The following NOTCH2 variants were observed in gnomAD, a reference collection of about 807,000 sequenced individuals.
NOTCH2 encodes the protein notch receptor 2.
Under a neutral mutation model 235.8 loss-of-function variants are expected in NOTCH2, and 29 were observed. The ratio of observed to expected loss-of-function variants is 0.12; its 90% confidence interval spans 0.09 to 0.17. The LOEUF is 0.17. Ranked by LOEUF, NOTCH2 falls within the 10% of genes least tolerant of loss-of-function variation. NOTCH2 has a pLI of 1.00. For missense variants in NOTCH2, 2,285 were observed against 3,150.2 expected (o/e 0.73, Z 6.57); for synonymous variants, 1,086 against 1,141.5 (o/e 0.95, Z 0.98).
At chr1:120,012,843 G>T (rs1653253904) in intron 2 of NOTCH2, among the ~76,000 whole-genome samples, 2 of 150,204 alleles carry the variant, frequency 1.3e-5, no homozygotes, top group African/African-American at 2.5e-5. Flanking sequence ...AAATGGACCA[G>T]CATCCTATCC....
chr1:119,929,283 C>T (rs1301925463), intron 22 of NOTCH2, 71 bp from the exon 23 acceptor site: 2 of 1,262,318 alleles, frequency 1.6e-6, no homozygotes, highest in Admixed American at 1.7e-5. Flanking sequence ...GGATAACCAC[C>T]CTTGTTGGCA....
At chr1:120,069,231 C>T in intron 1 of NOTCH2, 103 bp downstream of exon 1, 1 of 1,526,668 alleles carries the variant, frequency 6.6e-7, no homozygotes, top group South Asian at 1.2e-5. Flanking sequence ...GCGCCGGCGG[C>T]CGAGCCTGGC....
At chr1:119,938,239 CTG>C (rs1553196021) in intron 19 of NOTCH2, among the ~76,000 whole-genome samples, 1 of 152,034 alleles carries the variant, frequency 6.6e-6, no homozygotes, top group Non-Finnish European at 1.5e-5. Context: ...TTCTTGGAAA[CTG>C]TGACTTTAAG....
chr1:119,918,947 T>C (rs1276488167), intron 31 of NOTCH2, among the ~76,000 whole-genome samples: 1 of 145,098 alleles, frequency 6.9e-6, no homozygotes, highest in Non-Finnish European at 1.5e-5. Flanking sequence ...AATGAGCAGC[T>C]AGAAGCCCAT....
Position 120,046,050 on chromosome 1 carries a change from G to A in NOTCH2, c.74-16063C>T, listed in dbSNP as rs1222485648. On this transcript the variant is annotated intron_variant, in intron 1 of 33. Coordinates refer to ENST00000256646, the MANE Select transcript of NOTCH2 (RefSeq NM_024408.4). ...TAAATATGTATTTACTTGAGGAAGC[G>A]TTCATGCTTTAAAAATGTTTTTCTT... Among the ~76,000 whole-genome samples the A allele has an allele frequency of 2.3e-4, 35 of 151,392 alleles. No homozygotes were observed. In the South Asian group the frequency reaches 5.0e-3, roughly 22 times the overall value.
chr1:119,999,845 G>C (rs1183243254), intron 3 of NOTCH2, among the ~76,000 whole-genome samples: 3 of 150,640 alleles, frequency 2.0e-5, no homozygotes, highest in African/African-American at 7.4e-5. Flanking sequence ...CTGCGCCACT[G>C]TACTAAGCAA....
intron 5 of NOTCH2, among the ~76,000 whole-genome samples, chr1:119,977,615 G>A (rs1553201110): frequency 6.6e-6 from 1 of 152,160 alleles, no homozygotes; most frequent in Admixed American, 6.5e-5. Flanking sequence ...AACCTCAGCA[G>A]TAAAAACATA....
chr1:119,988,793 C>T (rs1197561877), intron 4 of NOTCH2, among the ~76,000 whole-genome samples: 4 of 152,178 alleles, frequency 2.6e-5, no homozygotes, highest in Admixed American at 6.5e-5. Flanking sequence ...CTCGATCTCT[C>T]TGATGAGTAA....
chr1:119,987,696 C>T (rs1259574619), intron 4 of NOTCH2, among the ~76,000 whole-genome samples: 2 of 152,120 alleles, frequency 1.3e-5, no homozygotes, highest in Non-Finnish European at 2.9e-5. Context: ...TTCCACTTGC[C>T]TATCCTGTCT....
rs1344097105 is a variant in NOTCH2, at chr1:119,922,649, A to G, written c.4989T>C (p.Leu1663=). 6.2e-7 allele frequency: 1 copy of G among 1,614,118 alleles called. No individual in the cohort carries two copies. Among genetic ancestry groups the G allele is most frequent in the Non-Finnish European group, 8.5e-7 (1 of 1,180,042 alleles). ...HAIQGTLSYP[L]VSVVSESLTP... is the part of the protein sequence containing the mutation. The stretch of plus-strand genomic sequence containing the variant: ...AGTGCCACTCACTGACGACAGACAC[A>G]AGAGGGTATGACAGGGTCCCCTGTA... The change falls in exon 27 of 34, where the codon CTT becomes CTC. Residue 1663 remains leucine, a synonymous_variant. Transcript: ENST00000256646.
At chr1:119,927,647 T>C (rs1051653892) in intron 23 of NOTCH2, among the ~76,000 whole-genome samples, 1 of 152,194 alleles carries the variant, frequency 6.6e-6, no homozygotes, top group Non-Finnish European at 1.5e-5. Context: ...TTGCAAATGC[T>C]TGTGTTTCCA....
rs1648909930 is a variant in NOTCH2, at chr1:119,911,988, A to G, written c.*3318T>C. The G allele has an allele frequency of 4.3e-6, 1 of 233,488 alleles. No homozygotes were observed. The highest frequency in any genetic ancestry group is 2.2e-5 in the African/African-American group (1 of 45,360). The allele number at this position is 233,488 out of a possible 1,614,324, so 14.5% of individuals were successfully genotyped here. On this transcript the variant is annotated 3_prime_UTR_variant, in exon 34 of 34. Coordinates refer to ENST00000256646, the MANE Select transcript of NOTCH2 (RefSeq NM_024408.4). ...AGAAAATTTGCTCTCTCAGCAAATT[A>G]TGACATCATGAGGTAACACTGCCAG...
At chr1:119,964,047 A>T (rs967146519) in intron 10 of NOTCH2, among the ~76,000 whole-genome samples, 2 of 152,240 alleles carry the variant, frequency 1.3e-5, no homozygotes, top group African/African-American at 4.8e-5. Context: ...CAACTGATCA[A>T]TAATTTCATT....
chr1:119,919,794 A>C (rs927677289), intron 30 of NOTCH2, among the ~76,000 whole-genome samples, 181 bp from the exon 31 acceptor site: 1 of 152,188 alleles, frequency 6.6e-6, no homozygotes, highest in African/African-American at 2.4e-5. Flanking sequence ...CATTTCTGTA[A>C]AGAATAATGG....
At chr1:119,953,045 C>A (rs1383798448) in intron 14 of NOTCH2, among the ~76,000 whole-genome samples, 10 of 152,222 alleles carry the variant, frequency 6.6e-5, no homozygotes, top group Admixed American at 5.9e-4. Context: ...GGTGCGGTGG[C>A]TCACGCCTGT....
rs763380539 is a variant in NOTCH2 at position 119,925,523 on chromosome 1, G to A, written c.4293C>T (p.Ala1431=). 41 of 1,614,032 alleles carry A rather than the reference G, an allele frequency of 2.5e-5. No homozygotes were observed. The highest frequency in any genetic ancestry group is 3.4e-5 in the Non-Finnish European group (40 of 1,180,042). The part of the protein sequence containing the change: ...PPATCLSQYC[A]DKARDGVCDE... Reference sequence around the variant, plus strand: ...CACAGACGCCATCCCGAGCTTTGTCGGCACAATACTGGCTCAGACAGGTGG... The same window carrying A: ...CACAGACGCCATCCCGAGCTTTGTCAGCACAATACTGGCTCAGACAGGTGG... The change falls in exon 25 of 34, where the codon GCC becomes GCT. Residue 1431 remains alanine, a synonymous_variant. Coordinates refer to ENST00000256646, the MANE Select transcript of NOTCH2 (RefSeq NM_024408.4).
rs782138712 is a variant in NOTCH2, at chr1:119,937,816, T to C, written c.3337+41A>G. ...TCTCTAAATGCCACTGGACAGTCAA[T>C]ACTGCAGTGAATGACCTGAGCCCAA... On this transcript the variant is annotated intron_variant, in intron 20 of 33. Transcript: ENST00000256646. The C allele has an allele frequency of 9.9e-6, 16 of 1,610,688 alleles. No homozygotes were observed. In the African/African-American group the frequency reaches 1.1e-4, roughly 11 times the overall value.
chr1:119,917,583 A>T, intron 33 of NOTCH2, 82 bp downstream of exon 33: 3 of 926,852 alleles, frequency 3.2e-6, no homozygotes, highest in Non-Finnish European at 5.4e-6. Context: ...ATAACAAGAG[A>T]AGCTGTAAGG....
At chr1:119,947,568 T>C (rs587597832) in intron 17 of NOTCH2, among the ~76,000 whole-genome samples, 49 of 152,250 alleles carry the variant, frequency 3.2e-4, no homozygotes, top group African/African-American at 1.1e-3. Flanking sequence ...AGAATGAAAA[T>C]AGTACAACCA....
Sources: gnomAD v4.1 joint callset for allele counts (sites outside exome capture counted in the v4.1 genomes callset) on GRCh38, gnomAD v4.1.1 for gene constraint, MANE v1.5 for transcripts, NCBI Gene and HGNC (gene_info 2026-07-23, HGNC 2026-07-21) for gene names.